The following MPP7 variants were observed in gnomAD, a reference collection of about 807,000 sequenced individuals.
MPP7 encodes MAGUK p55 scaffold protein 7.
MPP7 carries 60 observed loss-of-function variants against 76.5 expected under a neutral mutation model. That is an observed-to-expected ratio of 0.78 (90% CI 0.64 to 0.97). The LOEUF (loss-of-function observed/expected upper bound fraction) is 0.97. Among genes scored for constraint, MPP7 ranks in the 50% least tolerant of loss-of-function variants. The pLI is 0.00. For missense variants in MPP7, 641 were observed against 694.0 expected (o/e 0.92, Z 0.86); for synonymous variants, 237 against 244.5 (o/e 0.97, Z 0.29).
At chr10:28,276,388 G>C (rs1280898431) in intron 1 of MPP7, among the ~76,000 whole-genome samples, 2 of 151,980 alleles carry the variant, frequency 1.3e-5, no homozygotes, top group African/African-American at 4.8e-5. Context: ...CTATTATGAA[G>C]ACATTAATAA....
At chr10:28,212,166 T>G (rs1838160159) in intron 2 of MPP7, among the ~76,000 whole-genome samples, 1 of 151,046 alleles carries the variant, frequency 6.6e-6, no homozygotes, top group African/African-American at 2.4e-5. Context: ...GCTGCTGAAT[T>G]GAGAACAGAT....
chr10:28,149,654 A>G (rs1276081510), intron 4 of MPP7, among the ~76,000 whole-genome samples: 1 of 152,168 alleles, frequency 6.6e-6, no homozygotes, highest in Non-Finnish European at 1.5e-5. Flanking sequence ...TTATTTCTCC[A>G]AAGCATTCCT....
intron 3 of MPP7, among the ~76,000 whole-genome samples, chr10:28,155,417 C>A (rs1836019947): frequency 6.6e-6 from 1 of 151,892 alleles, no homozygotes; most frequent in Non-Finnish European, 1.5e-5. Flanking sequence ...TGGTGAAACC[C>A]CAACTCTACA....
chr10:28,055,122 T>C (rs1313331200), intron 16 of MPP7, among the ~76,000 whole-genome samples: 1 of 152,238 alleles, frequency 6.6e-6, no homozygotes, highest in Non-Finnish European at 1.5e-5. Context: ...TCCTTTCTTA[T>C]CTTCGTTGAG....
intron 1 of MPP7, among the ~76,000 whole-genome samples, chr10:28,296,620 C>T (rs186489517): frequency 3.5e-4 from 53 of 152,244 alleles, no homozygotes; most frequent in Admixed American, 1.4e-3. Flanking sequence ...AACAAGCAAC[C>T]CAATCAGTAA....
intron 2 of MPP7, among the ~76,000 whole-genome samples, chr10:28,225,831 A>G (rs1251623328): frequency 2.6e-5 from 4 of 152,184 alleles, no homozygotes; most frequent in Non-Finnish European, 5.9e-5. Context: ...TATTTTTGTG[A>G]CAATGAATAT....
At chr10:28,069,737 G>A in intron 13 of MPP7, 35 bp downstream of exon 13, 1 of 1,464,748 alleles carries the variant, frequency 6.8e-7, no homozygotes, top group Non-Finnish European at 9.3e-7. Flanking sequence ...TATCGTAAGT[G>A]TAGTCATAGG....
chr10:28,180,204 T>C (rs1004297958), intron 3 of MPP7, among the ~76,000 whole-genome samples: 9 of 152,180 alleles, frequency 5.9e-5, no homozygotes, highest in Admixed American at 5.2e-4. Flanking sequence ...CTAAGAACAA[T>C]GTAGATACAT....
At chr10:28,059,892 G>C (rs918152983) in intron 13 of MPP7, 149 bp from the exon 14 acceptor site, 3 of 623,574 alleles carry the variant, frequency 4.8e-6, no homozygotes, top group Admixed American at 3.1e-5. Context: ...AATACAGTAA[G>C]CTGTTATAAA....
intron 1 of MPP7, among the ~76,000 whole-genome samples, chr10:28,239,406 C>G (rs1839192893): frequency 6.6e-6 from 1 of 152,004 alleles, no homozygotes; most frequent in Non-Finnish European, 1.5e-5. Flanking sequence ...CTTGGCCTCT[C>G]AAAGTGCTGG....
chr10:28,235,072 A>C (rs1235419422), intron 2 of MPP7, among the ~76,000 whole-genome samples: 1 of 152,224 alleles, frequency 6.6e-6, no homozygotes, highest in Non-Finnish European at 1.5e-5. Flanking sequence ...AGCCTCCCGA[A>C]GTGCTGGGAT....
intron 2 of MPP7, among the ~76,000 whole-genome samples, chr10:28,220,057 T>C (rs893866613): frequency 6.6e-6 from 1 of 152,160 alleles, no homozygotes; most frequent in African/African-American, 2.4e-5. Flanking sequence ...TAAAACAATC[T>C]AAATAATTAT....
chr10:28,299,860 G>A (rs548948084), intron 1 of MPP7, among the ~76,000 whole-genome samples: 1 of 150,704 alleles, frequency 6.6e-6, no homozygotes, highest in South Asian at 2.1e-4. Context: ...CTGCCTCTTG[G>A]GTTCAGGCCA....
At chr10:28,060,089 A>G (rs1410142274) in intron 13 of MPP7, among the ~76,000 whole-genome samples, 3 of 143,498 alleles carry the variant, frequency 2.1e-5, no homozygotes, top group Non-Finnish European at 4.6e-5. Context: ...TATTATCTTT[A>G]TTGATCTTCA....
At chr10:28,151,833 G>A (rs987205887) in intron 3 of MPP7, among the ~76,000 whole-genome samples, 7 of 152,168 alleles carry the variant, frequency 4.6e-5, no homozygotes, top group Admixed American at 2.6e-4. Flanking sequence ...TTTCCTCTCA[G>A]ACTGACATCT....
chr10:28,105,016 G>A (rs2133534004), intron 11 of MPP7, among the ~76,000 whole-genome samples: 1 of 151,994 alleles, frequency 6.6e-6, no homozygotes, highest in East Asian at 1.9e-4. Flanking sequence ...TGAATGGAGT[G>A]AATAGCTGTA....
Position 28,333,453 on chromosome 10 carries a change from A to G in MPP7, c.-206+965T>C, listed in dbSNP as rs565113453. On this transcript the variant is annotated intron_variant, in intron 1 of 11. Transcript: ENST00000441595. ...AGCCACTGCGCCTGGCCGCTATTCT[A>G]ATTCTTGAGTTCTGCAATTATACTA... Among the ~76,000 whole-genome samples, 4 of 152,256 alleles carry G rather than the reference A, an allele frequency of 2.6e-5. No individual in the cohort carries two copies. The South Asian group carries it at 6.2e-4, about 24-fold the overall frequency.
chr10:28,183,751 C>T (rs1256143363), intron 3 of MPP7, among the ~76,000 whole-genome samples: 4 of 152,132 alleles, frequency 2.6e-5, no homozygotes, highest in Non-Finnish European at 5.9e-5. Context: ...AATCGCTCCA[C>T]AGCACTCCAG....
In MPP7 at chr10:28,132,747, C is replaced by T. The variant is rs185726557; in HGVS notation, c.316-1056G>A. ...CCAAGTAGCTGGGATTACAGGCGCC[C>T]GCCACCACGCCTGGCTAGTTTTTTG... On this transcript the variant is annotated intron_variant, in intron 5 of 16. Coordinates refer to ENST00000683449, the MANE Select transcript of MPP7 (RefSeq NM_001318170.2). 3.4e-3 allele frequency among the ~76,000 whole-genome samples: 513 copies of T among 152,198 alleles called. 1 individual carries two copies. Among genetic ancestry groups the T allele is most frequent in the African/African-American group, 0.011 (454 of 41,530 alleles).
Sources: allele counts gnomAD v4.1 joint callset (sites outside exome capture counted in the v4.1 genomes callset), GRCh38; gene constraint gnomAD v4.1.1; transcripts MANE v1.5; gene names NCBI Gene and HGNC (gene_info 2026-07-23, HGNC 2026-07-21).